CAPN2: variants seen among roughly 807,000 people sequenced by gnomAD.
CAPN2 encodes the protein calpain-2 catalytic subunit.
A neutral mutation model predicts 102.3 loss-of-function variants in CAPN2; 92 were observed. The ratio of observed to expected loss-of-function variants is 0.90; its 90% confidence interval spans 0.76 to 1.07. CAPN2 has a LOEUF of 1.07. Ranked by LOEUF, CAPN2 falls within the 50% of genes least tolerant of loss-of-function variation. The probability of loss-of-function intolerance (pLI) is 0.00; values close to 1 mark genes in which losing one functional copy is unlikely to be tolerated. For missense variants in CAPN2, 800 were observed against 909.4 expected (o/e 0.88, Z 1.55); for synonymous variants, 340 against 355.4 (o/e 0.96, Z 0.49).
intron 11 of CAPN2, chr1:223,758,927 C>T (rs767981877): frequency 9.0e-6 from 3 of 331,876 alleles, no homozygotes; most frequent in Non-Finnish European, 1.7e-5. Context: ...CTCCTGGCCT[C>T]GAGCAATCCT....
chr1:223,757,094 G>A (rs1661054493), intron 10 of CAPN2, among the ~76,000 whole-genome samples: 3 of 152,162 alleles, frequency 2.0e-5, no homozygotes, highest in South Asian at 2.1e-4. Flanking sequence ...GTGGGAGGCC[G>A]ATATGGGCTT....
intron 1 of CAPN2, among the ~76,000 whole-genome samples, chr1:223,713,497 G>A (rs1315071504): frequency 1.6e-5 from 2 of 121,880 alleles, no homozygotes; most frequent in East Asian, 5.9e-4. Flanking sequence ...GGAATCACCC[G>A]GGAAACCTCC....
chr1:223,753,350 A>C (rs1415024800), intron 9 of CAPN2, among the ~76,000 whole-genome samples: 2 of 152,300 alleles, frequency 1.3e-5, no homozygotes, highest in East Asian at 3.9e-4. Flanking sequence ...CCGAGCCTAC[A>C]AGGGAACCTT....
chr1:223,745,890 G>A (rs765299185), intron 4 of CAPN2, among the ~76,000 whole-genome samples: 1 of 152,188 alleles, frequency 6.6e-6, no homozygotes, highest in Non-Finnish European at 1.5e-5. Flanking sequence ...TTTGCCAATG[G>A]GCAGAACTAT....
intron 1 of CAPN2, among the ~76,000 whole-genome samples, chr1:223,706,085 T>C (rs1659599483): frequency 1.3e-5 from 2 of 152,216 alleles, no homozygotes; most frequent in Non-Finnish European, 2.9e-5. Flanking sequence ...CAGCTTCGGC[T>C]CTTGCCTCCT....
intron 1 of CAPN2, 40 bp downstream of exon 1, chr1:223,712,917 C>T (rs1375510991): frequency 7.0e-7 from 1 of 1,427,180 alleles, no homozygotes; most frequent in Non-Finnish European, 9.3e-7. Flanking sequence ...GGCGGGGTGC[C>T]GGGCAGGGCG....
In CAPN2 at chr1:223,750,618, G is replaced by A. The variant is rs534808593; in HGVS notation, c.814-272G>A. Among the ~76,000 whole-genome samples the A allele has an allele frequency of 2.0e-5, 3 of 152,304 alleles. No homozygotes were observed. In the South Asian group the frequency reaches 6.2e-4, roughly 32 times the overall value. ...ATCCTGTCAGTTAAGCTGAAGTTCA[G>A]AGATGAAGCACCAACAGCCCCATCC... On this transcript the variant is annotated intron_variant, in intron 6 of 20. Coordinates refer to ENST00000295006, the MANE Select transcript of CAPN2 (RefSeq NM_001748.5).
At position 223,731,912 on chromosome 1, in the gene CAPN2, T is replaced by A. The variant is rs1188211707; in HGVS notation, c.308-12188T>A. 6.6e-6 allele frequency among the ~76,000 whole-genome samples: 1 copy of A among 152,142 alleles called. No homozygotes were observed. The highest frequency in any genetic ancestry group is 2.4e-5 in the African/African-American group (1 of 41,422). On this transcript the variant is annotated intron_variant, in intron 2 of 20. Transcript: ENST00000295006. The surrounding 1 kb of genome is among the most constrained non-coding windows in gnomAD (Gnocchi z 4.2). The stretch of plus-strand genomic sequence containing the variant: ...GTGTGTGAGTGTGTCACCGGTAAGC[T>A]GAGTTCTTTCCCTACTTGGTATCAG...
chr1:223,753,482 C>G (rs4653775), intron 9 of CAPN2, among the ~76,000 whole-genome samples: 27,314 of 152,252 alleles, frequency 0.18, 3,031 homozygotes, highest in Non-Finnish European at 0.24. Flanking sequence ...TCTGGTCCAG[C>G]CTTTGTTGAG....
In CAPN2 at chr1:223,717,799, C is replaced by T. The variant is rs775016222; in HGVS notation, c.275C>T (p.Ala92Val). 4 of 1,613,938 alleles carry T rather than the reference C, an allele frequency of 2.5e-6. No homozygotes were observed. The highest frequency in any genetic ancestry group is 3.4e-6 in the Non-Finnish European group (4 of 1,179,918). Residue 92 changes from alanine to valine, a missense_variant, in exon 2 of 21, where the codon GCC becomes GTC. Ala to Val is a moderately conservative substitution (Grantham distance 64). Transcript: ENST00000295006. ...GACCCCCAGTTTATCATTGGAGGAG[C>T]CACCCGCACAGACATCTGCCAAGGA... ...CADPQFIIGG[A>V]TRTDICQGAL...
intron 7 of CAPN2, among the ~76,000 whole-genome samples, chr1:223,751,725 A>G (rs1153965): frequency 0.25 from 37,575 of 152,108 alleles, 8,399 homozygotes; most frequent in African/African-American, 0.6. Flanking sequence ...CTAATGAACT[A>G]TGTTCATTTT....
intron 16 of CAPN2, among the ~76,000 whole-genome samples, chr1:223,767,888 G>A (rs1029952109): frequency 2.0e-5 from 3 of 151,010 alleles, no homozygotes; most frequent in African/African-American, 4.9e-5. Context: ...CATTCTAACT[G>A]GTGTGAGATG....
At position 223,712,677 on chromosome 1, in the gene CAPN2, G is replaced by A. The variant is rs1013616001; in HGVS notation, c.37G>A (p.Glu13Lys). 1.3e-6 allele frequency: 2 copies of A among 1,554,288 alleles called. No homozygotes were observed. The highest frequency in any genetic ancestry group is 1.7e-6 in the Non-Finnish European group (2 of 1,152,134). The change falls in exon 1 of 21, where the codon GAG (glutamate) becomes AAG (lysine). Residue 13 changes from glutamate (E) to lysine (K), a missense_variant. Coordinates refer to ENST00000295006, the MANE Select transcript of CAPN2 (RefSeq NM_001748.5). ...CGCGGCCAAGCTGGCGAAGGACCGG[G>A]AGGCGGCCGAGGGGCTGGGCTCCCA... Reference protein sequence around the residue: ...GIAAKLAKDREAAEGLGSHDR... With the variant: ...GIAAKLAKDRKAAEGLGSHDR...
At chr1:223,769,985 G>C (rs1353052434) in intron 17 of CAPN2, 76 bp downstream of exon 17, 1 of 1,118,374 alleles carries the variant, frequency 8.9e-7, no homozygotes, top group Non-Finnish European at 1.3e-6. Flanking sequence ...AGCAACTCCT[G>C]CACAGAGTGG....
intron 20 of CAPN2, among the ~76,000 whole-genome samples, chr1:223,773,717 C>T (rs1271159095): frequency 4.6e-5 from 7 of 151,762 alleles, no homozygotes; most frequent in African/African-American, 7.3e-5. Flanking sequence ...ATTAGCTGGG[C>T]GTGGTGGCAG....
intron 1 of CAPN2, among the ~76,000 whole-genome samples, chr1:223,705,068 C>T (rs1034846541): frequency 1.8e-4 from 27 of 152,184 alleles, no homozygotes; most frequent in Admixed American, 6.5e-4. Context: ...GGGGAGGCTT[C>T]CTGCCCCTCG....
chr1:223,735,621 T>G (rs1479926114), intron 2 of CAPN2, among the ~76,000 whole-genome samples: 1 of 151,998 alleles, frequency 6.6e-6, no homozygotes, highest in Admixed American at 6.6e-5. Flanking sequence ...CTATCTGGGA[T>G]GTCTTTCCAC....
chr1:223,768,210 C>T lies in CAPN2; in HGVS notation c.1756-1631C>T, dbSNP rs12079710. 1.3e-3 allele frequency among the ~76,000 whole-genome samples: 198 copies of T among 150,076 alleles called. No homozygotes were observed. In the East Asian group the frequency reaches 0.034, roughly 26 times the overall value. ...TTTAGTTTAATTAGATCCCATTTGTCAATTTTGGCTTTTGTTGCCATTGCT... is the reference window on the plus strand; with the variant it reads ...TTTAGTTTAATTAGATCCCATTTGTTAATTTTGGCTTTTGTTGCCATTGCT... On this transcript the variant is annotated intron_variant, in intron 16 of 20. Coordinates refer to ENST00000295006, the MANE Select transcript of CAPN2 (RefSeq NM_001748.5).
chr1:223,771,613 T>C lies in CAPN2; in HGVS notation c.1904-196T>C, dbSNP rs930755187. The C allele has an allele frequency of 1.1e-5, 6 of 567,778 alleles. No individual in the cohort carries two copies. In the African/African-American group the frequency reaches 1.1e-4, roughly 11 times the overall value. The allele number at this position is 567,778 out of a possible 1,614,324, so 35.2% of individuals were successfully genotyped here. A position where few individuals can be genotyped will look rare whatever the true frequency, so the allele number is the denominator to read the frequency against. ...GCAAAGGACACAGGCAGGGTGAAGG[T>C]GGACAGTTCAAAAACAAAAGAAACA... On this transcript the variant is annotated intron_variant, in intron 18 of 20. Transcript: ENST00000295006.
Sources: allele counts gnomAD v4.1 joint callset (sites outside exome capture counted in the v4.1 genomes callset), GRCh38; gene constraint gnomAD v4.1.1; non-coding constraint Gnocchi (gnomAD v3.1); transcripts MANE v1.5; gene names NCBI Gene and HGNC (gene_info 2026-07-23, HGNC 2026-07-21).